The following KCNQ1 variants were observed in gnomAD, a reference collection of about 807,000 sequenced individuals.
KCNQ1 encodes potassium voltage-gated channel subfamily Q member 1.
A neutral mutation model predicts 72.4 loss-of-function variants in KCNQ1; 49 were observed. The ratio of observed to expected loss-of-function variants is 0.68; its 90% CI spans 0.54 to 0.86. The LOEUF (loss-of-function observed/expected upper bound fraction) is 0.86. Among genes scored for constraint, KCNQ1 ranks in the 40% least tolerant of loss-of-function variants. KCNQ1 has a pLI of 0.00. For synonymous variants in KCNQ1, 450 were observed against 412.6 expected, an observed-to-expected ratio of 1.09 and a Z score of -1.10; for missense variants, 790 against 945.1, an observed-to-expected ratio of 0.84 and a Z score of 2.15.
In KCNQ1 at chr11:2,781,716, C is replaced by A. The variant is rs914628501; in HGVS notation, c.1794+3679C>A. On this transcript the variant is annotated intron_variant, in intron 15 of 15. Transcript: ENST00000155840. The surrounding 1 kb of genome is among the most constrained non-coding windows in gnomAD (Gnocchi z 6.6). ...GGCCCTGTTTATTTTGCAAGCTAAG[C>A]TCATACTGCTTTTGCTGATATGAGG... is the stretch of plus-strand genomic sequence containing the variant. Among the ~76,000 whole-genome samples, 3 of 152,252 alleles carry A rather than the reference C, an allele frequency of 2.0e-5. No individual in the cohort carries two copies. Among genetic ancestry groups the A allele is most frequent in the African/African-American group, 7.2e-5 (3 of 41,478 alleles).
intron 1 of KCNQ1, chr11:2,461,995 C>T (rs1475841355): frequency 2.8e-6 from 1 of 355,250 alleles, no homozygotes; most frequent in Non-Finnish European, 5.6e-6. Flanking sequence ...TGGACTCAGC[C>T]AGCCTAGTCC....
rs1223329417 is a variant in KCNQ1 at position 2,541,644 on chromosome 11, T to TC, written c.477+13629dup. 6.6e-6 allele frequency among the ~76,000 whole-genome samples: 1 copy of TC among 151,740 alleles called. No individual in the cohort carries two copies. The highest frequency in any genetic ancestry group is 2.4e-5 in the African/African-American group (1 of 41,256). ...CCCACCGTTAGGATACTCTGAACGT[T>TC]CCCAGAAAGCCCCCTTCTGCTCAAG... On this transcript the variant is annotated intron_variant, in intron 2 of 15. Coordinates refer to ENST00000155840, the MANE Select transcript of KCNQ1 (RefSeq NM_000218.3). This position sits in a 1 kb window ranked among gnomAD's most constrained non-coding sequence, Gnocchi z 4.8.
In KCNQ1 at chr11:2,690,231, C is replaced by T. The variant is rs1850566234; in HGVS notation, c.1514+28150C>T. 2.5e-6 allele frequency: 1 copy of T among 398,682 alleles called. No individual in the cohort carries two copies. The highest frequency in any genetic ancestry group is 1.3e-4 in the South Asian group (1 of 7,864). 24.7% of individuals were successfully genotyped at this position (398,682 alleles called of 1,614,324 possible). On this transcript the variant is annotated intron_variant, in intron 11 of 15. Coordinates refer to ENST00000155840, the MANE Select transcript of KCNQ1 (RefSeq NM_000218.3). This position sits in a 1 kb window ranked among gnomAD's most constrained non-coding sequence, Gnocchi z 5.1. ...GTGTCAAGTGCCTGGTGACCTCAAG[C>T]AAGTCATTCCATGTGGCTGAGCTGC...
chr11:2,615,380 C>A (rs2133796125), intron 10 of KCNQ1: 1 of 397,950 alleles, frequency 2.5e-6, no homozygotes, highest in East Asian at 3.6e-5. Context: ...GGATGCTATT[C>A]ATTTACCTGT....
chr11:2,466,963 C>G (rs917986416), intron 1 of KCNQ1, among the ~76,000 whole-genome samples: 3 of 152,200 alleles, frequency 2.0e-5, no homozygotes, highest in Admixed American at 1.3e-4. Flanking sequence ...TGGCCACAGT[C>G]TAGGGGCTTT....
rs574422919 is a variant in KCNQ1, at chr11:2,816,766, T to G, written c.1795-31001T>G. ...TGCACTGAACGCTCCTCCCAGCTCATGCTTTCCAAAGTCCCCTGCTCAGGA... is the reference window on the plus strand; with the variant it reads ...TGCACTGAACGCTCCTCCCAGCTCAGGCTTTCCAAAGTCCCCTGCTCAGGA... On this transcript the variant is annotated intron_variant, in intron 15 of 15. Transcript: ENST00000155840. This position sits in a 1 kb window ranked among gnomAD's most constrained non-coding sequence, Gnocchi z 6.8. Among the ~76,000 whole-genome samples the G allele has an allele frequency of 4.6e-5, 7 of 152,168 alleles. No individual in the cohort carries two copies. In the South Asian group the frequency reaches 1.5e-3, roughly 32 times the overall value.
chr11:2,736,587 G>A (rs182199039), intron 11 of KCNQ1, among the ~76,000 whole-genome samples: 49 of 152,270 alleles, frequency 3.2e-4, no homozygotes, highest in Admixed American at 2.4e-3. Context: ...CCAGCTCATC[G>A]CCATAGCGGC....
rs1443098159 is a variant in KCNQ1 at position 2,588,374 on chromosome 11, C to T, written c.1252-339C>T. ...GCGCCCTCTTCATGCCCTGCTGGCC[C>T]CCAGCCTGTTCCCCCGATATGCATT... is the stretch of plus-strand genomic sequence containing the variant. On this transcript the variant is annotated intron_variant, in intron 9 of 15. Transcript: ENST00000155840. The surrounding 1 kb of genome is among the most constrained non-coding windows in gnomAD (Gnocchi z 5.6). 6.6e-6 allele frequency among the ~76,000 whole-genome samples: 1 copy of T among 152,216 alleles called. No homozygotes were observed. The highest frequency in any genetic ancestry group is 1.5e-5 in the Non-Finnish European group (1 of 68,032).
chr11:2,606,881 T>C (rs1475138375), intron 10 of KCNQ1, among the ~76,000 whole-genome samples: 3 of 149,814 alleles, frequency 2.0e-5, no homozygotes, highest in Non-Finnish European at 1.5e-5. Flanking sequence ...TTAAGTATGA[T>C]ATTATCTGTG....
Position 2,482,426 on chromosome 11 carries a change from A to G in KCNQ1, c.386+36942A>G, listed in dbSNP as rs1434152095. Among the ~76,000 whole-genome samples the G allele has an allele frequency of 6.6e-6, 1 of 152,102 alleles. No individual in the cohort carries two copies. The highest frequency in any genetic ancestry group is 2.4e-5 in the African/African-American group (1 of 41,402). ...CTATTGACGGCTGGGTTATTTCCTA[A>G]TTGACTGCTGTAAATAGCATTGTGA... On this transcript the variant is annotated intron_variant, in intron 1 of 15. Transcript: ENST00000155840. The surrounding 1 kb of genome is among the most constrained non-coding windows in gnomAD (Gnocchi z 5.7).
At chr11:2,738,783 G>A (rs894980743) in intron 11 of KCNQ1, among the ~76,000 whole-genome samples, 6 of 152,218 alleles carry the variant, frequency 3.9e-5, no homozygotes, top group Admixed American at 1.3e-4. Context: ...ACCCTGGGGG[G>A]ATTGTCCTTC....
In KCNQ1 at chr11:2,471,942, G is replaced by A. The variant is rs568826577; in HGVS notation, c.386+26458G>A. 3.3e-5 allele frequency among the ~76,000 whole-genome samples: 5 copies of A among 151,864 alleles called. No individual in the cohort carries two copies. Among genetic ancestry groups the A allele is most frequent in the South Asian group, 2.1e-4 (1 of 4,804 alleles). ...TGTGTATAGGCGTGTATGTGTGCGC[G>A]TGTGTAGGTGTGTGTTCATATATAT... On this transcript the variant is annotated intron_variant, in intron 1 of 15. Coordinates refer to ENST00000155840, the MANE Select transcript of KCNQ1 (RefSeq NM_000218.3). This position sits in a 1 kb window ranked among gnomAD's most constrained non-coding sequence, Gnocchi z 4.8.
At chr11:2,561,132 G>A (rs1482963068) in intron 2 of KCNQ1, among the ~76,000 whole-genome samples, 4 of 151,060 alleles carry the variant, frequency 2.6e-5, no homozygotes, top group African/African-American at 4.9e-5. Context: ...AACCCCAGGG[G>A]GTGGAGCCTG....
intron 2 of KCNQ1, among the ~76,000 whole-genome samples, chr11:2,548,733 C>T (rs779775648): frequency 3.3e-5 from 5 of 152,240 alleles, no homozygotes; most frequent in Non-Finnish European, 7.3e-5. Flanking sequence ...TGTGTTTATG[C>T]GTGTGCACAC....
Position 2,772,237 on chromosome 11 carries a change from C to A in KCNQ1, c.1590+3318C>A, listed in dbSNP as rs1846614172. Among the ~76,000 whole-genome samples the A allele has an allele frequency of 6.6e-6, 1 of 152,010 alleles. No individual in the cohort carries two copies. The highest frequency in any genetic ancestry group is 2.4e-5 in the African/African-American group (1 of 41,390). ...TGCCTGTCTGCTTGCTTGCACCCCA[C>A]CCCACCCCCGCTGGCCTCAGGGGCT... is the stretch of plus-strand genomic sequence containing the variant. On this transcript the variant is annotated intron_variant, in intron 12 of 15. Transcript: ENST00000155840. The surrounding 1 kb of genome is among the most constrained non-coding windows in gnomAD (Gnocchi z 6.6).
intron 1 of KCNQ1, among the ~76,000 whole-genome samples, chr11:2,465,420 C>T (rs1471153914): frequency 6.6e-6 from 1 of 152,220 alleles, no homozygotes; most frequent in Non-Finnish European, 1.5e-5. Flanking sequence ...CCTCCAAGGT[C>T]CAGCCAGCCA....
At position 2,563,613 on chromosome 11, in the gene KCNQ1, C is replaced by T. The variant is rs576968249; in HGVS notation, c.478-7015C>T. 6.7e-4 allele frequency among the ~76,000 whole-genome samples: 102 copies of T among 152,312 alleles called. 1 individual carries two copies. The highest frequency in any genetic ancestry group is 2.6e-4 in the African/African-American group (11 of 41,564). On this transcript the variant is annotated intron_variant, in intron 2 of 15. Coordinates refer to ENST00000155840, the MANE Select transcript of KCNQ1 (RefSeq NM_000218.3). This position sits in a 1 kb window ranked among gnomAD's most constrained non-coding sequence, Gnocchi z 7.4. ...AATGACAAGATTTCAGTACCAATAG[C>T]GAAGCCGTCAGTGGCAGTGACTGTG...
At chr11:2,511,837 C>T (rs938753220) in intron 1 of KCNQ1, among the ~76,000 whole-genome samples, 3 of 152,172 alleles carry the variant, frequency 2.0e-5, no homozygotes, top group Non-Finnish European at 2.9e-5. Context: ...TGGCCACATG[C>T]GGGCCCCTCA....
intron 10 of KCNQ1, chr11:2,638,211 T>C (rs1849509643): frequency 6.6e-6 from 1 of 151,910 alleles, no homozygotes; most frequent in Admixed American, 6.6e-5. Context: ...GTGAATTTGA[T>C]CCATTATGAT....
Sources: allele counts gnomAD v4.1 joint callset (sites outside exome capture counted in the v4.1 genomes callset), GRCh38; gene constraint gnomAD v4.1.1; non-coding constraint Gnocchi (gnomAD v3.1); transcripts MANE v1.5; gene names NCBI Gene and HGNC (gene_info 2026-07-23, HGNC 2026-07-21).